The following CSMD1 variants were observed in gnomAD, a reference collection of about 807,000 sequenced individuals.
CSMD1 encodes the protein CUB and Sushi multiple domains 1.
In CSMD1, 213 loss-of-function variants were observed where a neutral mutation model predicts 417.5. The ratio of observed to expected loss-of-function variants is 0.51; its 90% CI spans 0.46 to 0.57. The LOEUF is 0.57. Ranked by LOEUF, CSMD1 falls within the 20% of genes least tolerant of loss-of-function variation. The pLI is 0.00. For synonymous variants in CSMD1, 2,862 were observed against 1,736.8 expected (o/e 1.65, Z -16.11); for missense variants, 6,923 against 4,529.7 (o/e 1.53, Z -15.17).
chr8:4,611,202 G>C lies in CSMD1; in HGVS notation c.302+26140C>G, dbSNP rs1006911986. ...ATACATCTGGGCGAGTGTATACACA[G>C]TTTTTAAATATAAAGGAAATCTTAC... On this transcript the variant is annotated intron_variant, in intron 2 of 69. Coordinates refer to ENST00000635120, the MANE Select transcript of CSMD1 (RefSeq NM_033225.6). 1.3e-5 allele frequency among the ~76,000 whole-genome samples: 2 copies of C among 152,158 alleles called. 1 individual carries two copies.
At chr8:3,260,793 A>C (rs1801002991) in intron 26 of CSMD1, among the ~76,000 whole-genome samples, 1 of 152,150 alleles carries the variant, frequency 6.6e-6, no homozygotes, top group African/African-American at 2.4e-5. Flanking sequence ...AAAATGAATA[A>C]ATGAGACTTC....
rs1465464144 is a variant in CSMD1 at position 3,958,319 on chromosome 8, TC to T, written c.818+39583del. ...AAAAGTTTCATTTTTTTAAACTCTC[TC>T]TTTTTTTTTTTTTTTTCCAACTTGC... On this transcript the variant is annotated intron_variant, in intron 5 of 69. Coordinates refer to ENST00000635120, the MANE Select transcript of CSMD1 (RefSeq NM_033225.6). 3.8e-4 allele frequency among the ~76,000 whole-genome samples: 7 copies of T among 18,498 alleles called. No homozygotes were observed. In the South Asian group the frequency reaches 7.7e-3, roughly 20 times the overall value. The allele number at this position is 18,498 out of a possible 152,430, so 12.1% of individuals were successfully genotyped here.
intron 5 of CSMD1, among the ~76,000 whole-genome samples, chr8:3,766,631 C>T (rs192830741): frequency 9.7e-4 from 147 of 151,932 alleles, no homozygotes; most frequent in Middle Eastern, 6.8e-3. Context: ...ATAAATTCCA[C>T]GCACAGTCGA....
Position 3,926,090 on chromosome 8 carries a change from C to CACACACACACAAACACCAT in CSMD1, c.818+71812_818+71813insATGGTGTTTGTGTGTGTGT, listed in dbSNP as rs1563218167. Among the ~76,000 whole-genome samples the CACACACACACAAACACCAT allele has an allele frequency of 3.6e-4, 15 of 41,592 alleles. No individual in the cohort carries two copies. In the African/African-American group the frequency reaches 4.0e-3, roughly 11 times the overall value. 27.3% of individuals were successfully genotyped at this position (41,592 alleles called of 152,430 possible). ...CACACACACAAACACCATACACACA[C>CACACACACACAAACACCAT]ACACACACACACACACACACACACA... On this transcript the variant is annotated intron_variant, in intron 5 of 69. Coordinates refer to ENST00000635120, the MANE Select transcript of CSMD1 (RefSeq NM_033225.6).
chr8:3,524,644 T>A (rs766293749), intron 10 of CSMD1, among the ~76,000 whole-genome samples: 2 of 144,526 alleles, frequency 1.4e-5, no homozygotes, highest in South Asian at 4.5e-4. Context: ...GAGAGACATG[T>A]GCACACACAC....
At chr8:4,124,239 G>A (rs369782468) in intron 3 of CSMD1, among the ~76,000 whole-genome samples, 3 of 152,088 alleles carry the variant, frequency 2.0e-5, no homozygotes, top group Non-Finnish European at 4.4e-5. Context: ...GGAGTGTGAG[G>A]CCTGAGGTCA....
chr8:4,642,672 G>A (rs1345753880), intron 1 of CSMD1, among the ~76,000 whole-genome samples: 1 of 152,160 alleles, frequency 6.6e-6, no homozygotes, highest in Non-Finnish European at 1.5e-5. Context: ...TGCCAAATAT[G>A]TTCTACTACC....
At chr8:4,371,863 T>C (rs1802416827) in intron 3 of CSMD1, among the ~76,000 whole-genome samples, 1 of 152,212 alleles carries the variant, frequency 6.6e-6, no homozygotes, top group Non-Finnish European at 1.5e-5. Flanking sequence ...AAAATAAATA[T>C]TTACGATTGT....
intron 37 of CSMD1, among the ~76,000 whole-genome samples, chr8:3,169,847 A>T (rs772392319): frequency 1.3e-5 from 2 of 152,190 alleles, no homozygotes; most frequent in South Asian, 4.1e-4. Flanking sequence ...ACATGCCCAG[A>T]CATGCCACAG....
chr8:3,999,021 T>C (rs1002355970), intron 4 of CSMD1, among the ~76,000 whole-genome samples: 4 of 149,328 alleles, frequency 2.7e-5, no homozygotes, highest in South Asian at 2.1e-4. Context: ...ATATAAACTA[T>C]ATGATACTTT....
chr8:2,962,669 C>T, intron 60 of CSMD1, 30 bp from the exon 61 acceptor site: 1 of 1,603,268 alleles, frequency 6.2e-7, no homozygotes, highest in South Asian at 1.1e-5. Context: ...AGAAGTCAGC[C>T]TTCAACGTCC....
intron 8 of CSMD1, among the ~76,000 whole-genome samples, chr8:3,613,737 A>ACACACACC (rs71203455): frequency 0.01 from 1,458 of 144,370 alleles, 12 homozygotes; most frequent in Admixed American, 0.016. Flanking sequence ...ACACACACAC[A>ACACACACC]CCTCAAAAAA....
chr8:4,519,751 A>AAAG (rs1803331215), intron 2 of CSMD1, among the ~76,000 whole-genome samples: 1 of 73,790 alleles, frequency 1.4e-5, no homozygotes, highest in Non-Finnish European at 2.8e-5. Flanking sequence ...TCAAAAAAAA[A>AAAG]AAAAAAAAAA....
intron 7 of CSMD1, among the ~76,000 whole-genome samples, chr8:3,621,250 C>T (rs866201846): frequency 1.7e-4 from 26 of 152,230 alleles, no homozygotes; most frequent in Middle Eastern, 3.4e-3. Context: ...GAAAATGAAT[C>T]ACCCCAAACC....
chr8:4,002,646 G>C (rs928866445), intron 4 of CSMD1, among the ~76,000 whole-genome samples: 2 of 152,114 alleles, frequency 1.3e-5, no homozygotes, highest in Admixed American at 1.3e-4. Flanking sequence ...TATCGCTAAA[G>C]GATAAAAGCT....
chr8:3,283,586 A>G (rs1057298117), intron 26 of CSMD1, among the ~76,000 whole-genome samples: 2 of 152,198 alleles, frequency 1.3e-5, no homozygotes, highest in Non-Finnish European at 2.9e-5. Context: ...CAGAAGCAGG[A>G]AAGCCACTCC....
chr8:3,955,891 C>T (rs1268571670), intron 5 of CSMD1, among the ~76,000 whole-genome samples: 1 of 152,214 alleles, frequency 6.6e-6, no homozygotes. Flanking sequence ...ACGATCTCGG[C>T]TCACTTCAAC....
At chr8:4,901,489 T>C (rs1211191869) in intron 1 of CSMD1, among the ~76,000 whole-genome samples, 3 of 151,856 alleles carry the variant, frequency 2.0e-5, no homozygotes, top group Admixed American at 6.6e-5. Flanking sequence ...ACATCAATTA[T>C]GTTTTTCCAT....
intron 6 of CSMD1, among the ~76,000 whole-genome samples, chr8:3,748,474 G>C (rs1194859098): frequency 6.6e-6 from 1 of 152,120 alleles, no homozygotes. Context: ...AACCTTGAGG[G>C]GAATAGGAGC....
Sources: allele counts gnomAD v4.1 joint callset (sites outside exome capture counted in the v4.1 genomes callset), GRCh38; gene constraint gnomAD v4.1.1; transcripts MANE v1.5; gene names NCBI Gene and HGNC (gene_info 2026-07-23, HGNC 2026-07-21).